CDH12: variants seen among roughly 807,000 people sequenced by gnomAD.
CDH12 encodes the protein cadherin-12.
Under a neutral mutation model 74.1 loss-of-function variants are expected in CDH12, and 41 were observed. The ratio of observed to expected loss-of-function variants is 0.55; its 90% CI spans 0.43 to 0.72. The LOEUF is 0.72. Ranked by LOEUF, CDH12 falls within the 30% of genes least tolerant of loss-of-function variation. The probability of loss-of-function intolerance (pLI) is 0.00; values close to 1 mark genes in which losing one functional copy is unlikely to be tolerated. For synonymous variants in CDH12, 399 were observed against 355.0 expected (o/e 1.12, Z -1.39); for missense variants, 945 against 977.2 (o/e 0.97, Z 0.44).
intron 1 of CDH12, among the ~76,000 whole-genome samples, chr5:22,644,509 AGACAG>A (rs1257411010): frequency 9.9e-5 from 15 of 152,198 alleles, no homozygotes; most frequent in Non-Finnish European, 1.9e-4. Flanking sequence ...TATAGAAAAA[AGACAG>A]ATAAATAAAA....
intron 1 of CDH12, among the ~76,000 whole-genome samples, chr5:22,621,944 C>T (rs919004191): frequency 6.6e-6 from 1 of 151,984 alleles, no homozygotes; most frequent in Admixed American, 6.6e-5. Context: ...AATAATCTGT[C>T]TTACATAATA....
intron 1 of CDH12, among the ~76,000 whole-genome samples, chr5:22,633,373 ATTT>A (rs1738679270): frequency 1.3e-5 from 2 of 152,268 alleles, no homozygotes; most frequent in African/African-American, 4.8e-5. Flanking sequence ...TTCTCATATT[ATTT>A]TAAAATATTA....
intron 3 of CDH12, among the ~76,000 whole-genome samples, chr5:22,376,515 G>A (rs959793190): frequency 6.6e-6 from 1 of 151,936 alleles, no homozygotes; most frequent in African/African-American, 2.4e-5. Context: ...TACATACCCT[G>A]ACTTGATCAT....
At chr5:21,791,890 A>T (rs1264830173) in intron 10 of CDH12, among the ~76,000 whole-genome samples, 1 of 151,852 alleles carries the variant, frequency 6.6e-6, no homozygotes, top group East Asian at 1.9e-4. Context: ...TCTCACCATC[A>T]ATGGAAACGC....
At chr5:21,796,184 T>A (rs1330540424) in intron 10 of CDH12, among the ~76,000 whole-genome samples, 13 of 152,008 alleles carry the variant, frequency 8.6e-5, no homozygotes, top group Admixed American at 7.2e-4. Context: ...AACAAACCCA[T>A]CATAAGTTGA....
At chr5:22,596,318 A>G (rs269888) in intron 1 of CDH12, among the ~76,000 whole-genome samples, 74,227 of 150,072 alleles carry the variant, frequency 0.49, 18,493 homozygotes, top group Admixed American at 0.58. Flanking sequence ...GCGGACAGCT[A>G]TAATCCCAGC....
intron 4 of CDH12, among the ~76,000 whole-genome samples, chr5:22,081,117 A>G (rs949273760): frequency 2.0e-5 from 3 of 152,144 alleles, no homozygotes; most frequent in African/African-American, 7.2e-5. Context: ...GAAAATTAAC[A>G]TTTGATATGC....
At chr5:22,112,895 T>C (rs1267564172) in intron 4 of CDH12, among the ~76,000 whole-genome samples, 1 of 152,164 alleles carries the variant, frequency 6.6e-6, no homozygotes, top group Non-Finnish European at 1.5e-5. Flanking sequence ...TAACAGAACG[T>C]TCATCTTATA....
intron 2 of CDH12, among the ~76,000 whole-genome samples, chr5:22,438,394 G>A (rs1050991750): frequency 5.9e-5 from 9 of 151,976 alleles, no homozygotes; most frequent in South Asian, 2.1e-4. Context: ...GTGTTATTGC[G>A]TGAATGAAGA....
intron 2 of CDH12, among the ~76,000 whole-genome samples, chr5:22,488,607 C>T (rs1746705858): frequency 6.6e-6 from 1 of 152,170 alleles, no homozygotes; most frequent in African/African-American, 2.4e-5. Flanking sequence ...TACCTCTACT[C>T]ATCTTCTTTA....
rs534496104 is a variant in CDH12 at position 22,706,314 on chromosome 5, C to A, written c.-523+146744G>T. Among the ~76,000 whole-genome samples, 5 of 152,084 alleles carry A rather than the reference C, an allele frequency of 3.3e-5. No individual in the cohort carries two copies. In the South Asian group the frequency reaches 1.0e-3, roughly 32 times the overall value. On this transcript the variant is annotated intron_variant, in intron 1 of 14. Transcript: ENST00000382254. ...TGATTATCTTTCTAAAAAGAACATG[C>A]ATGCTTATGTTTTTCCATTTTAGTA...
intron 5 of CDH12, among the ~76,000 whole-genome samples, chr5:22,027,670 T>A (rs1186365511): frequency 6.6e-6 from 1 of 152,192 alleles, no homozygotes; most frequent in African/African-American, 2.4e-5. Context: ...ATCCCCTTTA[T>A]CATTTTTTAT....
intron 3 of CDH12, among the ~76,000 whole-genome samples, chr5:22,362,843 A>C (rs892904243): frequency 6.7e-6 from 1 of 149,696 alleles, no homozygotes; most frequent in Non-Finnish European, 1.5e-5. Flanking sequence ...AAAAACCCAA[A>C]CACCGCATGT....
At chr5:22,339,037 T>C (rs941573393) in intron 3 of CDH12, among the ~76,000 whole-genome samples, 2 of 152,126 alleles carry the variant, frequency 1.3e-5, no homozygotes, top group Non-Finnish European at 2.9e-5. Flanking sequence ...AAGAACAAAG[T>C]CCAGTGATAC....
chr5:21,805,646 A>G (rs1445360707), intron 9 of CDH12, among the ~76,000 whole-genome samples: 1 of 152,152 alleles, frequency 6.6e-6, no homozygotes, highest in East Asian at 1.9e-4. Flanking sequence ...AAGGGCAAAG[A>G]GAACCAGCAG....
chr5:22,688,449 T>A (rs1296259420), intron 1 of CDH12, among the ~76,000 whole-genome samples: 1 of 152,202 alleles, frequency 6.6e-6, no homozygotes, highest in Non-Finnish European at 1.5e-5. Context: ...TTATTTGAGC[T>A]AGAAATTTCT....
chr5:22,372,723 C>T (rs550002296), intron 3 of CDH12, among the ~76,000 whole-genome samples: 168 of 152,270 alleles, frequency 1.1e-3, no homozygotes, highest in Non-Finnish European at 2.0e-3. Flanking sequence ...CCACACTTCT[C>T]CCACTAAGAC....
chr5:22,129,427 A>G (rs1746057772), intron 4 of CDH12, among the ~76,000 whole-genome samples: 1 of 152,208 alleles, frequency 6.6e-6, no homozygotes, highest in South Asian at 2.1e-4. Flanking sequence ...TAATATTGTC[A>G]TAATTCCAGG....
rs1277545533 is a variant in CDH12, at chr5:21,997,444, C to T, written c.232-22059G>A. On this transcript the variant is annotated intron_variant, in intron 5 of 14. Coordinates refer to ENST00000382254, the MANE Select transcript of CDH12 (RefSeq NM_004061.5). ...ATTTTATGAAATTATAGTTACATGC[C>T]TGAAATGGATTTTAAATCTCTTCAT... Among the ~76,000 whole-genome samples, 7 of 152,004 alleles carry T rather than the reference C, an allele frequency of 4.6e-5. No individual in the cohort carries two copies. In the East Asian group the frequency reaches 1.3e-3, roughly 29 times the overall value.
Sources: allele counts gnomAD v4.1 joint callset (sites outside exome capture counted in the v4.1 genomes callset), GRCh38; gene constraint gnomAD v4.1.1; transcripts MANE v1.5; gene names NCBI Gene and HGNC (gene_info 2026-07-23, HGNC 2026-07-21).